The following MTMR12 variants were observed in gnomAD, a reference collection of about 807,000 sequenced individuals.
The protein encoded by MTMR12 is myotubularin related protein 12.
In MTMR12, 33 loss-of-function variants were observed where a neutral mutation model predicts 96.7. That is an observed-to-expected ratio of 0.34 (90% confidence interval 0.26 to 0.46). MTMR12 has a LOEUF of 0.46. Among genes scored for constraint, MTMR12 ranks in the 20% least tolerant of loss-of-function variants. The probability of loss-of-function intolerance (pLI) is 1.00; values close to 1 mark genes in which losing one functional copy is unlikely to be tolerated. For missense variants in MTMR12, 721 were observed against 896.1 expected, an observed-to-expected ratio of 0.80 and a Z score of 2.49; for synonymous variants, 298 against 327.2, an observed-to-expected ratio of 0.91 and a Z score of 0.96.
At chr5:32,286,155 A>G (rs1371350775) in intron 1 of MTMR12, among the ~76,000 whole-genome samples, 1 of 152,164 alleles carries the variant, frequency 6.6e-6, no homozygotes, top group African/African-American at 2.4e-5. Context: ...CTTGGGCAAC[A>G]TGACGAAGCC....
chr5:32,276,825 C>G (rs1750070224), intron 1 of MTMR12, 83 bp from the exon 2 acceptor site: 1 of 865,588 alleles, frequency 1.2e-6, no homozygotes, highest in African/African-American at 1.8e-5. Flanking sequence ...AGAATACACA[C>G]TAAAATATCA....
intron 1 of MTMR12, among the ~76,000 whole-genome samples, chr5:32,291,666 A>G (rs1469960674): frequency 6.6e-6 from 1 of 152,132 alleles, no homozygotes; most frequent in Non-Finnish European, 1.5e-5. Context: ...GGGCCCATAA[A>G]CGAAATGGCC....
At chr5:32,286,967 C>T (rs1750564031) in intron 1 of MTMR12, among the ~76,000 whole-genome samples, 1 of 152,166 alleles carries the variant, frequency 6.6e-6, no homozygotes, top group Admixed American at 6.5e-5. Context: ...CCTAAGTCCT[C>T]AGAGAACACA....
rs79170275 is a variant in MTMR12 at position 32,305,506 on chromosome 5, C to T, written c.81+7252G>A. On this transcript the variant is annotated intron_variant, in intron 1 of 15. Coordinates refer to ENST00000382142, the MANE Select transcript of MTMR12 (RefSeq NM_001040446.3). ...CAAGCCAATCTCTTCTTGTTATCAT[C>T]TATCCGCCAAAGACATCAAAGTTAG... Among the ~76,000 whole-genome samples, 34 of 152,354 alleles carry T rather than the reference C, an allele frequency of 2.2e-4. No homozygotes were observed. The East Asian group carries it at 6.5e-3, about 29-fold the overall frequency.
chr5:32,259,997 C>T (rs1297046098), intron 7 of MTMR12, among the ~76,000 whole-genome samples: 2 of 146,620 alleles, frequency 1.4e-5, no homozygotes. Flanking sequence ...GATCACACCA[C>T]TGCACTCCAG....
chr5:32,310,186 T>C (rs192399729), intron 1 of MTMR12, among the ~76,000 whole-genome samples: 1 of 152,322 alleles, frequency 6.6e-6, no homozygotes, highest in Non-Finnish European at 1.5e-5. Flanking sequence ...TGCTCTGGCA[T>C]GCACCTGTAG....
chr5:32,292,683 G>A (rs562689658), intron 1 of MTMR12, among the ~76,000 whole-genome samples: 4 of 152,162 alleles, frequency 2.6e-5, no homozygotes, highest in Non-Finnish European at 4.4e-5. Context: ...AATGGGAAAC[G>A]ACAACAGCCC....
At position 32,229,609 on chromosome 5, in the gene MTMR12, A is replaced by T; in HGVS notation, c.*169T>A. 1 of 527,126 alleles carries T rather than the reference A, an allele frequency of 1.9e-6. No homozygotes were observed. Among genetic ancestry groups the T allele is most frequent in the Non-Finnish European group, 3.1e-6 (1 of 321,200 alleles). 32.7% of individuals were successfully genotyped at this position (527,126 alleles called of 1,614,324 possible). Reference sequence around the variant, plus strand: ...TGCGGTTTTAATTGCATAGTCTTTTAGAATCATGAAAAATAATGAGAGCCA... The same window carrying T: ...TGCGGTTTTAATTGCATAGTCTTTTTGAATCATGAAAAATAATGAGAGCCA... On this transcript the variant is annotated 3_prime_UTR_variant, in exon 16 of 16. Coordinates refer to ENST00000382142, the MANE Select transcript of MTMR12 (RefSeq NM_001040446.3).
intron 1 of MTMR12, among the ~76,000 whole-genome samples, chr5:32,307,605 T>C (rs1751410162): frequency 6.6e-6 from 1 of 152,242 alleles, no homozygotes; most frequent in Non-Finnish European, 1.5e-5. Context: ...ATTATGGTTT[T>C]AACTGTCACA....
intron 8 of MTMR12, among the ~76,000 whole-genome samples, chr5:32,251,112 G>A (rs909349291): frequency 1.4e-5 from 2 of 146,108 alleles, no homozygotes; most frequent in African/African-American, 2.6e-5. Flanking sequence ...CTGGAGTGCA[G>A]TGGCGGGATC....
At chr5:32,277,624 G>T (rs975464444) in intron 1 of MTMR12, among the ~76,000 whole-genome samples, 1 of 151,970 alleles carries the variant, frequency 6.6e-6, no homozygotes, top group Non-Finnish European at 1.5e-5. Flanking sequence ...ACTTTAATTC[G>T]GGAGGCAGAG....
Position 32,239,074 on chromosome 5 carries a change from T to G in MTMR12, c.1271A>C (p.Gln424Pro), listed in dbSNP as rs1438507927. Residue 424 changes from glutamine to proline, a missense_variant, in exon 13 of 16, where the codon CAA (glutamine) becomes CCA (proline). By Grantham distance (76) the Gln-to-Pro change is moderately conservative. Transcript: ENST00000382142. ...RTRIGFQSLI[Q>P]KEWVMGGHCF... ...GTGGCCACCCATGACCCACTCCTTTTGGATGAGGCTCTGGAAACCAATTCT... is the reference window on the plus strand; with the variant it reads ...GTGGCCACCCATGACCCACTCCTTTGGGATGAGGCTCTGGAAACCAATTCT... The G allele has an allele frequency of 1.2e-6, 2 of 1,610,846 alleles. No individual in the cohort carries two copies. The highest frequency in any genetic ancestry group is 1.7e-6 in the Non-Finnish European group (2 of 1,178,530).
Position 32,285,496 on chromosome 5 carries a change from A to G in MTMR12, c.82-8754T>C, listed in dbSNP as rs573493270. Among the ~76,000 whole-genome samples, 4 of 152,180 alleles carry G rather than the reference A, an allele frequency of 2.6e-5. No individual in the cohort carries two copies. In the East Asian group the frequency reaches 7.7e-4, roughly 29 times the overall value. On this transcript the variant is annotated intron_variant, in intron 1 of 15. Transcript: ENST00000382142. The stretch of plus-strand genomic sequence containing the variant: ...AATTCCTTACTTCAACATTTACTCC[A>G]ATGTTATGGCTACTTTTTATTTGTT...
chr5:32,279,911 T>G (rs538579492), intron 1 of MTMR12, among the ~76,000 whole-genome samples: 8 of 152,354 alleles, frequency 5.3e-5, no homozygotes, highest in African/African-American at 1.9e-4. Flanking sequence ...TAATCCTTGC[T>G]GCCCCCTACT....
intron 7 of MTMR12, among the ~76,000 whole-genome samples, chr5:32,259,207 G>A (rs1456479879): frequency 6.6e-6 from 1 of 152,224 alleles, no homozygotes; most frequent in Non-Finnish European, 1.5e-5. Flanking sequence ...GGAAAATTGT[G>A]TATCTACTCA....
intron 12 of MTMR12, among the ~76,000 whole-genome samples, chr5:32,239,415 G>C (rs530520210): frequency 2.8e-4 from 43 of 152,314 alleles, no homozygotes; most frequent in Admixed American, 4.6e-4. Flanking sequence ...ACTAAATGTG[G>C]ATTTGCATAC....
chr5:32,274,813 C>T lies in MTMR12; in HGVS notation c.143-691G>A, dbSNP rs551957170. On this transcript the variant is annotated intron_variant, in intron 2 of 15. Coordinates refer to ENST00000382142, the MANE Select transcript of MTMR12 (RefSeq NM_001040446.3). ...CCTCTCCTCCTCCATCTGCAGCACC[C>T]AGCCGACGTGAGAAGCTGCAGCCCC... is the stretch of plus-strand genomic sequence containing the variant. 9.2e-5 allele frequency among the ~76,000 whole-genome samples: 14 copies of T among 152,270 alleles called. No homozygotes were observed. The South Asian group carries it at 2.5e-3, about 27-fold the overall frequency.
intron 14 of MTMR12, 41 bp downstream of exon 14, chr5:32,234,921 G>A (rs1748151716): frequency 1.9e-6 from 3 of 1,541,150 alleles, no homozygotes; most frequent in Non-Finnish European, 2.7e-6. Flanking sequence ...CTTGTGAGAA[G>A]AAGCCTCTTT....
At chr5:32,263,665 T>A (rs889926819) in intron 6 of MTMR12, among the ~76,000 whole-genome samples, 1 of 152,204 alleles carries the variant, frequency 6.6e-6, no homozygotes. Flanking sequence ...CTCAAACTCC[T>A]GACCTCAAGT....
Sources: gnomAD v4.1 joint callset for allele counts (sites outside exome capture counted in the v4.1 genomes callset) on GRCh38, gnomAD v4.1.1 for gene constraint, MANE v1.5 for transcripts, NCBI Gene and HGNC (gene_info 2026-07-23, HGNC 2026-07-21) for gene names.